CRTAC1: variants seen among roughly 807,000 people sequenced by gnomAD.
The protein encoded by CRTAC1 is cartilage acidic protein 1.
In CRTAC1, 37 loss-of-function variants were observed where a neutral mutation model predicts 67.8. The observed-to-expected ratio is 0.55, with a 90% CI of 0.42 to 0.72. CRTAC1 has a LOEUF of 0.72. Ranked by LOEUF, CRTAC1 falls within the 30% of genes least tolerant of loss-of-function variation. CRTAC1 has a pLI of 0.00. For missense variants in CRTAC1, 780 were observed against 931.6 expected (o/e 0.84, Z 2.12); for synonymous variants, 348 against 371.0 (o/e 0.94, Z 0.71).
chr10:97,958,888 A>G (rs1468852881), intron 2 of CRTAC1, among the ~76,000 whole-genome samples: 1 of 152,016 alleles, frequency 6.6e-6, no homozygotes, highest in East Asian at 1.9e-4. Flanking sequence ...TCCACTCTCT[A>G]CCCCTTCCCT....
chr10:97,913,729 C>T (rs1291050988), intron 5 of CRTAC1, among the ~76,000 whole-genome samples: 2 of 152,136 alleles, frequency 1.3e-5, no homozygotes, highest in African/African-American at 4.8e-5. Context: ...GGCTGGGGAG[C>T]CTGTCACTCC....
rs114734555 is a variant in CRTAC1 at position 98,025,133 on chromosome 10, A to T, written c.24+5316T>A. Among the ~76,000 whole-genome samples, 1,425 of 152,034 alleles carry T rather than the reference A, an allele frequency of 9.4e-3. 23 individuals carry two copies. Among genetic ancestry groups the T allele is most frequent in the African/African-American group, 0.032 (1,320 of 41,464 alleles). ...TGGATCTCAGTGCCCTCGGCTGTGA[A>T]ATGGGAGAATTGGATGAGAGTACTT... On this transcript the variant is annotated intron_variant, in intron 1 of 14. Coordinates refer to ENST00000370597, the MANE Select transcript of CRTAC1 (RefSeq NM_018058.7).
At chr10:97,927,905 A>G (rs540101117) in intron 3 of CRTAC1, among the ~76,000 whole-genome samples, 1 of 152,358 alleles carries the variant, frequency 6.6e-6, no homozygotes, top group South Asian at 2.1e-4. Context: ...CCATGTCAGC[A>G]TGCAGTCCTG....
chr10:97,930,111 G>T (rs999091823), intron 3 of CRTAC1, among the ~76,000 whole-genome samples: 2 of 152,206 alleles, frequency 1.3e-5, no homozygotes, highest in Non-Finnish European at 2.9e-5. Flanking sequence ...GGAAGGCAGA[G>T]TCTTCATTTC....
rs1192743259 is a variant in CRTAC1, at chr10:98,030,302, G to A, written c.24+147C>T. ...GAGTCCAGCGCCTCCCAGCAAGTTA[G>A]GAGCGAAGCCGCCGCCTTCGCGATC... On this transcript the variant is annotated intron_variant, in intron 1 of 14. Coordinates refer to ENST00000370597, the MANE Select transcript of CRTAC1 (RefSeq NM_018058.7). The surrounding 1 kb of genome is among the most constrained non-coding windows in gnomAD (Gnocchi z 4.2). The A allele has an allele frequency of 4.2e-6, 2 of 475,860 alleles. No homozygotes were observed. Among genetic ancestry groups the A allele is most frequent in the East Asian group, 7.2e-5 (2 of 27,832 alleles). The allele number at this position is 475,860 out of a possible 1,614,324, so 29.5% of individuals were successfully genotyped here. A position where few individuals can be genotyped will look rare whatever the true frequency, so the allele number is the denominator to read the frequency against.
chr10:97,989,815 G>T lies in CRTAC1; in HGVS notation c.224+21323C>A, dbSNP rs144767900. 2.8e-4 allele frequency among the ~76,000 whole-genome samples: 43 copies of T among 152,342 alleles called. No homozygotes were observed. In the East Asian group the frequency reaches 7.7e-3, roughly 27 times the overall value. On this transcript the variant is annotated intron_variant, in intron 2 of 14. Coordinates refer to ENST00000370597, the MANE Select transcript of CRTAC1 (RefSeq NM_018058.7). ...AAGGTCCCACAGCTAGGAAGGGAAG[G>T]AGTTAGAGTTTAACCACAGATTTGT... is the stretch of plus-strand genomic sequence containing the variant.
chr10:97,866,228 G>A (rs1312222761), intron 14 of CRTAC1: 3 of 153,870 alleles, frequency 1.9e-5, no homozygotes, highest in African/African-American at 7.2e-5. Context: ...CAAATTCAAG[G>A]TGTGGGGAGA....
intron 2 of CRTAC1, among the ~76,000 whole-genome samples, chr10:97,992,726 T>C (rs1327713477): frequency 1.3e-5 from 2 of 152,122 alleles, no homozygotes; most frequent in Non-Finnish European, 2.9e-5. Flanking sequence ...TACCTACATA[T>C]AGAATCTAAA....
chr10:97,905,975 C>T (rs894241123), intron 6 of CRTAC1, among the ~76,000 whole-genome samples: 3 of 152,196 alleles, frequency 2.0e-5, no homozygotes, highest in Admixed American at 1.3e-4. Context: ...ACTCTAAGCA[C>T]CCACCCACGT....
intron 11 of CRTAC1, among the ~76,000 whole-genome samples, chr10:97,887,231 T>G (rs2050299664): frequency 6.6e-6 from 1 of 151,176 alleles, no homozygotes; most frequent in Non-Finnish European, 1.5e-5. Flanking sequence ...ACTTAGGTTT[T>G]TTTTTTTTTT....
chr10:97,979,234 C>T (rs993763772), intron 2 of CRTAC1, among the ~76,000 whole-genome samples: 1 of 152,138 alleles, frequency 6.6e-6, no homozygotes, highest in Non-Finnish European at 1.5e-5. Flanking sequence ...AAGCGTGGTC[C>T]TTGAAGGGTG....
chr10:97,945,187 C>G (rs1483025367), intron 2 of CRTAC1, among the ~76,000 whole-genome samples: 1 of 152,162 alleles, frequency 6.6e-6, no homozygotes, highest in South Asian at 2.1e-4. Context: ...TTTGAATTCA[C>G]AGTAGGCAGG....
intron 2 of CRTAC1, among the ~76,000 whole-genome samples, chr10:97,957,196 G>A (rs923153614): frequency 6.6e-6 from 1 of 152,152 alleles, no homozygotes; most frequent in African/African-American, 2.4e-5. Flanking sequence ...ACAAGGATGT[G>A]TCTGGCATTG....
chr10:98,024,075 T>G (rs772350208), intron 1 of CRTAC1, among the ~76,000 whole-genome samples: 1 of 152,206 alleles, frequency 6.6e-6, no homozygotes, highest in Admixed American at 6.5e-5. Flanking sequence ...AGGGCTGGAA[T>G]GCCAAAGCAG....
intron 2 of CRTAC1, among the ~76,000 whole-genome samples, chr10:97,971,498 G>T (rs1020314854): frequency 6.6e-6 from 1 of 152,212 alleles, no homozygotes; most frequent in African/African-American, 2.4e-5. Flanking sequence ...CCAGGGGCCG[G>T]CGCGAGGAGA....
At chr10:97,878,158 G>C (rs945914705) in intron 14 of CRTAC1, among the ~76,000 whole-genome samples, 1 of 152,246 alleles carries the variant, frequency 6.6e-6, no homozygotes, top group Admixed American at 6.5e-5. Flanking sequence ...GGCCTGGGGA[G>C]CAGTGGGCTC....
At chr10:97,940,426 A>G (rs1004911578) in intron 2 of CRTAC1, among the ~76,000 whole-genome samples, 12 of 152,246 alleles carry the variant, frequency 7.9e-5, no homozygotes, top group African/African-American at 2.9e-4. Context: ...GCTCAGTTAA[A>G]TGGAGCCAAG....
intron 11 of CRTAC1, among the ~76,000 whole-genome samples, chr10:97,890,945 G>A (rs140861988): frequency 0.034 from 5,196 of 152,292 alleles, 142 homozygotes; most frequent in Middle Eastern, 0.071. Context: ...GGGAGGACAG[G>A]CGTGAGCCAC....
rs1183332062 is a variant in CRTAC1, at chr10:97,895,901, A to G, written c.1301T>C (p.Val434Ala). ...HGESMAQPLS[V>A]FRGNQGFNNN... ...TTAGCGCACCTGATTGCCCCGGAAG[A>G]CGGACAGCGGCTGAGCCATGGACTC... Residue 434 changes from valine (V) to alanine (A), a missense_variant, in exon 10 of 15, where the codon GTC becomes GCC. Coordinates refer to ENST00000370597, the MANE Select transcript of CRTAC1 (RefSeq NM_018058.7). The surrounding 1 kb of genome is among the most constrained non-coding windows in gnomAD (Gnocchi z 4.2). The G allele has an allele frequency of 6.2e-7, 1 of 1,613,290 alleles. No homozygotes were observed. The highest frequency in any genetic ancestry group is 8.5e-7 in the Non-Finnish European group (1 of 1,179,324).
Sources: gnomAD v4.1 joint callset for allele counts (sites outside exome capture counted in the v4.1 genomes callset) on GRCh38, gnomAD v4.1.1 for gene constraint, Gnocchi (gnomAD v3.1) non-coding constraint, MANE v1.5 for transcripts, NCBI Gene and HGNC (gene_info 2026-07-23, HGNC 2026-07-21) for gene names.